EIF5B: variants seen among roughly 807,000 people sequenced by gnomAD.
The protein encoded by EIF5B is eukaryotic translation initiation factor 5B, also known as eIF-5B.
A neutral mutation model predicts 147.5 loss-of-function variants in EIF5B; 47 were observed. The ratio of observed to expected loss-of-function variants is 0.32; its 90% CI spans 0.25 to 0.41. The LOEUF is 0.41. Among genes scored for constraint, EIF5B ranks in the 10% least tolerant of loss-of-function variants. The probability of loss-of-function intolerance (pLI) is 1.00; values close to 1 mark genes in which losing one functional copy is unlikely to be tolerated. For missense variants in EIF5B, 1,064 were observed against 1,413.2 expected, an observed-to-expected ratio of 0.75 and a Z score of 3.96; for synonymous variants, 455 against 456.2, an observed-to-expected ratio of 1.00 and a Z score of 0.03.
At chr2:99,341,064 C>G (rs2094258471) in intron 1 of EIF5B, among the ~76,000 whole-genome samples, 1 of 152,142 alleles carries the variant, frequency 6.6e-6, no homozygotes, top group South Asian at 2.1e-4. Flanking sequence ...ACGCTCAGCC[C>G]CAGTTTGTGT....
chr2:99,369,726 A>G (rs541805496), intron 8 of EIF5B, among the ~76,000 whole-genome samples: 1 of 152,310 alleles, frequency 6.6e-6, no homozygotes, highest in Non-Finnish European at 1.5e-5. Context: ...TGTAGAAAGG[A>G]TACACTTTGG....
chr2:99,397,464 G>T (rs2104261152), intron 22 of EIF5B: 2 of 151,672 alleles, frequency 1.3e-5, no homozygotes, highest in South Asian at 4.2e-4. Context: ...TTTTGTGGCT[G>T]AGCCTCAGTC....
At chr2:99,392,157 T>C (rs964821391) in intron 17 of EIF5B, among the ~76,000 whole-genome samples, 6 of 152,064 alleles carry the variant, frequency 3.9e-5, no homozygotes, top group Admixed American at 3.9e-4. Context: ...TTTTTATGTT[T>C]ATTTTATTTT....
At chr2:99,371,188 A>G (rs569747130) in intron 8 of EIF5B, 1 of 152,816 alleles carries the variant, frequency 6.5e-6, no homozygotes, top group East Asian at 1.9e-4. Context: ...CATGCTAGCT[A>G]TATTAAAAAG....
intron 14 of EIF5B, among the ~76,000 whole-genome samples, chr2:99,387,383 A>G (rs1171149635): frequency 6.6e-6 from 1 of 152,112 alleles, no homozygotes; most frequent in Non-Finnish European, 1.5e-5. Flanking sequence ...TTCCATAGAA[A>G]TATTTTGTTA....
At chr2:99,384,196 C>CATAAAAAAAA (rs1674751383) in intron 14 of EIF5B, among the ~76,000 whole-genome samples, 1 of 117,510 alleles carries the variant, frequency 8.5e-6, no homozygotes, top group Non-Finnish European at 1.7e-5. Flanking sequence ...GACTCCGTCT[C>CATAAAAAAAA]AAAAAAAAAA....
In EIF5B at chr2:99,362,592, G is replaced by A. The variant is rs527608307; in HGVS notation, c.919+772G>A. Among the ~76,000 whole-genome samples the A allele has an allele frequency of 1.4e-4, 22 of 151,908 alleles. No individual in the cohort carries two copies. In the South Asian group the frequency reaches 4.4e-3, roughly 30 times the overall value. On this transcript the variant is annotated intron_variant, in intron 4 of 23. Transcript: ENST00000289371. ...CGGGCGCCTGTAGTCCCAGCTACTC[G>A]GGAGGCTGAGGCAGGAGAATGGCGT...
intron 1 of EIF5B, among the ~76,000 whole-genome samples, chr2:99,354,267 T>C (rs1022803363): frequency 9.9e-5 from 15 of 152,172 alleles, no homozygotes; most frequent in Non-Finnish European, 2.1e-4. Flanking sequence ...TGATATCCCA[T>C]TGTGGTTTTA....
At chr2:99,398,709 A>G in intron 22 of EIF5B, 39 bp from the exon 23 acceptor site, 1 of 1,578,094 alleles carries the variant, frequency 6.3e-7, no homozygotes, top group Non-Finnish European at 8.6e-7. Flanking sequence ...ATTGGCATGA[A>G]TTCTTCTGCA....
chr2:99,361,179 C>G lies in EIF5B; in HGVS notation c.278C>G (p.Ser93Ter). 6.5e-7 allele frequency: 1 copy of G among 1,549,512 alleles called. No homozygotes were observed. The highest frequency in any genetic ancestry group is 8.6e-7 in the Non-Finnish European group (1 of 1,156,162). The change falls in exon 4 of 24, where the codon TCA (serine) becomes TGA (stop). Residue 93 changes from serine (S) to a stop codon, truncating the protein, a stop_gained. Transcript: ENST00000289371. LOFTEE classifies it high-confidence loss of function. ...PTENNEEEFTSKDKKKKGQKG... is the reference protein window; with the variant it reads ...PTENNEEEFT ...GAAAACAATGAAGAGGAATTCACCT[C>G]AAAAGATAAAAAAAAGAAAGGACAG...
intron 12 of EIF5B, among the ~76,000 whole-genome samples, chr2:99,380,398 A>T (rs1674663445): frequency 6.6e-6 from 1 of 152,122 alleles, no homozygotes. Flanking sequence ...AAACATATTT[A>T]CTGTGCATTA....
At chr2:99,362,242 T>A (rs1334844143) in intron 4 of EIF5B, among the ~76,000 whole-genome samples, 1 of 152,228 alleles carries the variant, frequency 6.6e-6, no homozygotes, top group East Asian at 1.9e-4. Context: ...TAATATTTTC[T>A]GCTTCACTTA....
chr2:99,390,431 T>C (rs1559259907), intron 16 of EIF5B, 30 bp downstream of exon 16: 2 of 1,570,838 alleles, frequency 1.3e-6, no homozygotes, highest in Non-Finnish European at 1.7e-6. Context: ...TTTATTGTTT[T>C]TTTTTTTTTT....
At chr2:99,388,841 G>T (rs1674864303) in intron 14 of EIF5B, among the ~76,000 whole-genome samples, 1 of 152,116 alleles carries the variant, frequency 6.6e-6, no homozygotes, top group Admixed American at 6.5e-5. Context: ...GAGTTGAGAA[G>T]TGTTTCCTCC....
intron 6 of EIF5B, among the ~76,000 whole-genome samples, chr2:99,366,760 C>A (rs1221878985): frequency 1.3e-5 from 2 of 151,858 alleles, no homozygotes; most frequent in African/African-American, 4.8e-5. Context: ...TATGAAGAGA[C>A]CAGAGAGTTA....
intron 1 of EIF5B, among the ~76,000 whole-genome samples, chr2:99,342,701 C>T (rs988211551): frequency 6.6e-6 from 1 of 151,766 alleles, no homozygotes; most frequent in African/African-American, 2.4e-5. Context: ...GTGTGATCAT[C>T]GCTCCCTGTA....
At chr2:99,383,980 C>T (rs551195772) in intron 14 of EIF5B, among the ~76,000 whole-genome samples, 59 of 152,020 alleles carry the variant, frequency 3.9e-4, no homozygotes, top group African/African-American at 1.3e-3. Flanking sequence ...GAGGCCGAGG[C>T]GGGCGGATCA....
At chr2:99,390,813 A>T (rs1443999038) in intron 17 of EIF5B, 108 bp downstream of exon 17, 1 of 1,186,340 alleles carries the variant, frequency 8.4e-7, no homozygotes, top group Non-Finnish European at 1.2e-6. Flanking sequence ...TACAGAACAC[A>T]TACATCCCTC....
intron 6 of EIF5B, among the ~76,000 whole-genome samples, chr2:99,365,628 G>A (rs1018422487): frequency 5.3e-5 from 8 of 152,062 alleles, no homozygotes; most frequent in Non-Finnish European, 1.2e-4. Context: ...CTGTTTTAAG[G>A]AGCAGTTAGA....
Sources: allele counts gnomAD v4.1 joint callset (sites outside exome capture counted in the v4.1 genomes callset), GRCh38; gene constraint gnomAD v4.1.1; transcripts MANE v1.5; gene names NCBI Gene and HGNC (gene_info 2026-07-23, HGNC 2026-07-21).